The following OVCH1 variants were observed in gnomAD, a reference collection of about 807,000 sequenced individuals.
OVCH1 encodes ovochymase-1.
OVCH1 carries 139 observed loss-of-function variants against 138.4 expected under a neutral mutation model. The ratio of observed to expected loss-of-function variants is 1.00; its 90% CI spans 0.87 to 1.16. The LOEUF (loss-of-function observed/expected upper bound fraction) is 1.16. Among genes scored for constraint, OVCH1 ranks in the 50% most tolerant of loss-of-function variants. The pLI is 0.00. For synonymous variants in OVCH1, 453 were observed against 467.8 expected (o/e 0.97, Z 0.41); for missense variants, 1,367 against 1,357.9 (o/e 1.01, Z -0.11).
At chr12:29,421,940 C>T (rs1362613921) in intron 3 of OVCH1, among the ~76,000 whole-genome samples, 1 of 152,100 alleles carries the variant, frequency 6.6e-6, no homozygotes, top group Non-Finnish European at 1.5e-5. Context: ...TGTTAAAACT[C>T]ATTTCTACTT....
Position 29,454,597 on chromosome 12 carries a change from T to A in OVCH1, c.2530+244A>T, listed in dbSNP as rs188779664. On this transcript the variant is annotated intron_variant, in intron 21 of 27. Transcript: ENST00000318184. ...AAAATAATTCTATGTAATTCTCCAA[T>A]ATTCAAGCACTGGTTCACAACCACA... Among the ~76,000 whole-genome samples the A allele has an allele frequency of 7.0e-4, 106 of 152,306 alleles. 1 individual carries two copies. The highest frequency in any genetic ancestry group is 2.4e-3 in the African/African-American group (100 of 41,572).
chr12:29,475,591 G>T (rs1942679176), intron 13 of OVCH1, among the ~76,000 whole-genome samples: 1 of 152,092 alleles, frequency 6.6e-6, no homozygotes, highest in South Asian at 2.1e-4. Context: ...TACATGCACT[G>T]TTATGCAGAA....
chr12:29,496,618 A>G (rs750697045), exon 2 of OVCH1: 4 of 1,613,952 alleles, frequency 2.5e-6, no homozygotes, highest in Admixed American at 1.7e-5. Flanking sequence ...AAGAATCTAG[A>G]TCCCACGGCA....
intron 9 of OVCH1, among the ~76,000 whole-genome samples, chr12:29,478,420 TA>T (rs892246711): frequency 2.0e-5 from 3 of 151,840 alleles, no homozygotes; most frequent in East Asian, 1.9e-4. Context: ...ATAAAAATAA[TA>T]AAAAAAACTG....
chr12:29,442,227 G>A (rs1941503776), intron 25 of OVCH1, among the ~76,000 whole-genome samples: 1 of 152,038 alleles, frequency 6.6e-6, no homozygotes, highest in Non-Finnish European at 1.5e-5. Flanking sequence ...CAAGCCAAAT[G>A]TCCAACAATG....
downstream of OVCH1, among the ~76,000 whole-genome samples, chr12:29,410,043 A>T (rs181823336): frequency 2.0e-3 from 297 of 152,142 alleles, no homozygotes; most frequent in Middle Eastern, 3.4e-3. Flanking sequence ...TGTTGAATTG[A>T]TCCCTTTACC....
chr12:29,493,175 G>GA (rs879297983), intron 4 of OVCH1, among the ~76,000 whole-genome samples: 124 of 152,112 alleles, frequency 8.2e-4, no homozygotes, highest in Middle Eastern at 6.8e-3. Context: ...GTAAAGGAAA[G>GA]AAAAAATGGG....
intron 26 of OVCH1, among the ~76,000 whole-genome samples, chr12:29,436,059 TCA>T: frequency 6.6e-6 from 1 of 152,224 alleles, no homozygotes; most frequent in Non-Finnish European, 1.5e-5. Flanking sequence ...CCTGATTTTC[TCA>T]CTCAATATGA....
intron 19 of OVCH1, among the ~76,000 whole-genome samples, chr12:29,457,328 C>G (rs1320473355): frequency 2.0e-5 from 3 of 149,246 alleles, no homozygotes; most frequent in Non-Finnish European, 4.4e-5. Flanking sequence ...CAATTTATCT[C>G]TTTTTGCCAG....
chr12:29,489,072 T>C (rs571405109), intron 6 of OVCH1, among the ~76,000 whole-genome samples: 3 of 152,334 alleles, frequency 2.0e-5, no homozygotes, highest in African/African-American at 7.2e-5. Context: ...AAGACCTATC[T>C]AAAACTTAAA....
intron 3 of OVCH1, among the ~76,000 whole-genome samples, chr12:29,419,018 C>A (rs1224522256): frequency 6.6e-6 from 1 of 151,926 alleles, no homozygotes; most frequent in Non-Finnish European, 1.5e-5. Flanking sequence ...CTATGCCCAG[C>A]TAATTTTTTT....
downstream of OVCH1, among the ~76,000 whole-genome samples, chr12:29,408,539 G>A (rs1346398721): frequency 4.8e-5 from 6 of 123,724 alleles, no homozygotes; most frequent in Non-Finnish European, 9.4e-5. Context: ...TTTTGTCAAA[G>A]GCCTTTTCTG....
intron 5 of OVCH1, 132 bp from the exon 6 acceptor site, chr12:29,489,903 TC>T: frequency 2.0e-6 from 2 of 987,582 alleles, no homozygotes; most frequent in Non-Finnish European, 3.0e-6. Flanking sequence ...TAGGTGTGAA[TC>T]ATATTCACTT....
At chr12:29,413,024 C>CTTTTTTTTTTTTTT (rs35540929) in intron 3 of OVCH1, among the ~76,000 whole-genome samples, 1 of 140,926 alleles carries the variant, frequency 7.1e-6, no homozygotes. Context: ...CCAGCTAATT[C>CTTTTTTTTTTTTTT]TTTTTTTTTT....
intron 16 of OVCH1, among the ~76,000 whole-genome samples, chr12:29,471,237 T>C (rs1592084073): frequency 6.6e-6 from 1 of 152,322 alleles, no homozygotes; most frequent in East Asian, 1.9e-4. Context: ...TTATTTCATA[T>C]AATGGAAGAC....
At chr12:29,490,199 G>A (rs1223080575) in intron 5 of OVCH1, among the ~76,000 whole-genome samples, 1 of 151,994 alleles carries the variant, frequency 6.6e-6, no homozygotes, top group Non-Finnish European at 1.5e-5. Flanking sequence ...AAGTAGCTGG[G>A]ACTACAGGCA....
Position 29,488,144 on chromosome 12 carries a change from CT to C in OVCH1, c.703-263del, listed in dbSNP as rs79855984. On this transcript the variant is annotated intron_variant, in intron 6 of 27. Transcript: ENST00000318184. The stretch of plus-strand genomic sequence containing the variant: ...CAGGTTAACAATTTCTCTTCCTCCT[CT>C]TTTTTTTTTAAACTACCATGTACAT... 6.3e-3 allele frequency among the ~76,000 whole-genome samples: 931 copies of C among 148,850 alleles called. 7 individuals are homozygous for C. The highest frequency in any genetic ancestry group is 9.3e-3 in the Non-Finnish European group (621 of 66,938).
chr12:29,409,790 T>C (rs1940929067), downstream of OVCH1, among the ~76,000 whole-genome samples: 1 of 152,194 alleles, frequency 6.6e-6, no homozygotes, highest in Non-Finnish European at 1.5e-5. Flanking sequence ...TTCTGTTGAT[T>C]TGGGGTGGAG....
At chr12:29,427,786 C>A in intron 27 of OVCH1, 1 of 1,228,012 alleles carries the variant, frequency 8.1e-7, no homozygotes, top group African/African-American at 1.5e-5. Flanking sequence ...GGTCCAAAAT[C>A]TTTACAGAAA....
Sources: gnomAD v4.1 joint callset for allele counts (sites outside exome capture counted in the v4.1 genomes callset) on GRCh38, gnomAD v4.1.1 for gene constraint, MANE v1.5 for transcripts, NCBI Gene and HGNC (gene_info 2026-07-23, HGNC 2026-07-21) for gene names.